The following UNC5D variants were observed in gnomAD, a reference collection of about 807,000 sequenced individuals.
UNC5D encodes netrin receptor UNC5D.
In UNC5D, 39 loss-of-function variants were observed where a neutral mutation model predicts 105.4. The observed-to-expected ratio is 0.37, with a 90% CI of 0.29 to 0.48. The LOEUF (loss-of-function observed/expected upper bound fraction) is 0.48, where lower values mean the gene tolerates loss of function less well. Among genes scored for constraint, UNC5D ranks in the 20% least tolerant of loss-of-function variants. The probability of loss-of-function intolerance (pLI) is 0.98; values close to 1 mark genes in which losing one functional copy is unlikely to be tolerated. For synonymous variants in UNC5D, 452 were observed against 450.4 expected, an observed-to-expected ratio of 1.00 and a Z score of -0.04; for missense variants, 991 against 1,202.4, an observed-to-expected ratio of 0.82 and a Z score of 2.60.
intron 8 of UNC5D, among the ~76,000 whole-genome samples, chr8:35,711,124 G>C (rs1827935062): frequency 6.7e-6 from 1 of 149,164 alleles, no homozygotes; most frequent in Admixed American, 6.7e-5. Flanking sequence ...TTAAAAGGAA[G>C]TCTAGAGCAC....
At chr8:35,272,835 G>A (rs976190577) in intron 1 of UNC5D, among the ~76,000 whole-genome samples, 1 of 152,208 alleles carries the variant, frequency 6.6e-6, no homozygotes, top group Admixed American at 6.5e-5. Flanking sequence ...TAGAAAACAA[G>A]GGTGGTGATG....
At chr8:35,678,016 C>T (rs576965884) in intron 4 of UNC5D, among the ~76,000 whole-genome samples, 11 of 151,954 alleles carry the variant, frequency 7.2e-5, no homozygotes, top group African/African-American at 2.7e-4. Context: ...ACACCTAGGA[C>T]ACCTTATTTA....
intron 8 of UNC5D, among the ~76,000 whole-genome samples, chr8:35,715,455 G>T (rs2131504963): frequency 6.6e-6 from 1 of 152,222 alleles, no homozygotes; most frequent in East Asian, 1.9e-4. Flanking sequence ...TCTTATATAT[G>T]TATTACTTCT....
Position 35,357,484 on chromosome 8 carries a change from G to A in UNC5D, c.103+121597G>A, listed in dbSNP as rs1003177713. Among the ~76,000 whole-genome samples, 17 of 152,110 alleles carry A rather than the reference G, an allele frequency of 1.1e-4. No homozygotes were observed. In the East Asian group the frequency reaches 2.7e-3, roughly 24 times the overall value. ...TCTACCACATCTTAGGTCTCAGATTGGATGATGGGGCCTTCCCTGACCCAC... is the reference window on the plus strand; with the variant it reads ...TCTACCACATCTTAGGTCTCAGATTAGATGATGGGGCCTTCCCTGACCCAC... On this transcript the variant is annotated intron_variant, in intron 1 of 16. Transcript: ENST00000404895.
intron 4 of UNC5D, among the ~76,000 whole-genome samples, chr8:35,603,878 T>A (rs1820074792): frequency 6.6e-6 from 1 of 152,156 alleles, no homozygotes; most frequent in Non-Finnish European, 1.5e-5. Context: ...CTGCCTTTTT[T>A]TGTTTTCCAT....
chr8:35,439,541 C>T (rs1306072627), intron 1 of UNC5D, among the ~76,000 whole-genome samples: 1 of 151,974 alleles, frequency 6.6e-6, no homozygotes, highest in Non-Finnish European at 1.5e-5. Flanking sequence ...TTTGTGACAT[C>T]GTGAATTCTT....
intron 1 of UNC5D, among the ~76,000 whole-genome samples, chr8:35,398,112 A>C (rs1804216323): frequency 6.6e-6 from 1 of 152,234 alleles, no homozygotes; most frequent in East Asian, 1.9e-4. Flanking sequence ...AATTTTTTAA[A>C]GCTTATTTTA....
intron 4 of UNC5D, among the ~76,000 whole-genome samples, chr8:35,641,204 G>A (rs552539343): frequency 3.3e-5 from 5 of 151,932 alleles, no homozygotes; most frequent in African/African-American, 1.2e-4. Context: ...ATTTTTTCCT[G>A]TGTTGATATT....
chr8:35,464,394 C>T (rs1809144541), intron 1 of UNC5D, among the ~76,000 whole-genome samples: 1 of 151,976 alleles, frequency 6.6e-6, no homozygotes, highest in Non-Finnish European at 1.5e-5. Context: ...TAGTTTCAAA[C>T]CTGTGTACTT....
In UNC5D at chr8:35,464,064, C is replaced by T. The variant is rs866759265; in HGVS notation, c.104-85228C>T. On this transcript the variant is annotated intron_variant, in intron 1 of 16. Coordinates refer to ENST00000404895, the MANE Select transcript of UNC5D (RefSeq NM_080872.4). ...ACAGTCGGCCAGGCGCAGTAGCTCA[C>T]GCCTGTAATCCCAGCACTTTGGGAG... 3.0e-4 allele frequency among the ~76,000 whole-genome samples: 46 copies of T among 152,260 alleles called. No individual in the cohort carries two copies. In the Middle Eastern group the frequency reaches 0.01, roughly 34 times the overall value.
At chr8:35,623,538 C>T (rs1438692913) in intron 4 of UNC5D, among the ~76,000 whole-genome samples, 3 of 152,156 alleles carry the variant, frequency 2.0e-5, no homozygotes, top group African/African-American at 4.8e-5. Flanking sequence ...CTTGCCATTG[C>T]ATGGCCTCTC....
chr8:35,696,484 T>A (rs2131398182), intron 7 of UNC5D, among the ~76,000 whole-genome samples: 1 of 152,114 alleles, frequency 6.6e-6, no homozygotes, highest in East Asian at 1.9e-4. Flanking sequence ...GAAATATTAG[T>A]CTGGACTAGA....
intron 1 of UNC5D, among the ~76,000 whole-genome samples, chr8:35,237,172 C>G (rs1802523463): frequency 7.4e-6 from 1 of 134,330 alleles, no homozygotes; most frequent in Non-Finnish European, 1.6e-5. Context: ...ATTTCATTTC[C>G]TGAAAAGTTT....
At chr8:35,416,081 A>G (rs1187594098) in intron 1 of UNC5D, among the ~76,000 whole-genome samples, 1 of 152,170 alleles carries the variant, frequency 6.6e-6, no homozygotes, top group Admixed American at 6.5e-5. Context: ...GTTTGAGGTG[A>G]TGGACACCCC....
At chr8:35,402,310 A>T (rs1804520221) in intron 1 of UNC5D, among the ~76,000 whole-genome samples, 1 of 152,140 alleles carries the variant, frequency 6.6e-6, no homozygotes, top group South Asian at 2.1e-4. Context: ...CACAGTCATG[A>T]TGGAAGGTGA....
chr8:35,666,162 T>C (rs1208126267), intron 4 of UNC5D, among the ~76,000 whole-genome samples: 1 of 152,088 alleles, frequency 6.6e-6, no homozygotes, highest in Non-Finnish European at 1.5e-5. Flanking sequence ...GCATGGGAAT[T>C]TAATTTTTTT....
intron 1 of UNC5D, among the ~76,000 whole-genome samples, chr8:35,246,591 A>G (rs571858668): frequency 6.6e-6 from 1 of 151,938 alleles, no homozygotes; most frequent in Non-Finnish European, 1.5e-5. Context: ...TCTTTTTTTT[A>G]GTAGATACCA....
chr8:35,354,272 C>A (rs185360881), intron 1 of UNC5D, among the ~76,000 whole-genome samples: 5 of 152,164 alleles, frequency 3.3e-5, no homozygotes, highest in African/African-American at 9.6e-5. Flanking sequence ...CTTTCCCCCC[C>A]TCTCTTGCTT....
chr8:35,491,454 A>G (rs539209406), intron 1 of UNC5D, among the ~76,000 whole-genome samples: 1 of 152,350 alleles, frequency 6.6e-6, no homozygotes, highest in South Asian at 2.1e-4. Flanking sequence ...AAGAAATTCC[A>G]ATGCTAGATT....
Sources: allele counts gnomAD v4.1 joint callset (sites outside exome capture counted in the v4.1 genomes callset), GRCh38; gene constraint gnomAD v4.1.1; transcripts MANE v1.5; gene names NCBI Gene and HGNC (gene_info 2026-07-23, HGNC 2026-07-21).